Variants in MT1E observed in about 807,000 individuals in gnomAD.
The protein encoded by MT1E is metallothionein 1E, also known as metallothionein-1E.
MT1E carries 1 observed loss-of-function variant against 2.4 expected under a neutral mutation model. The observed-to-expected ratio is 0.41, with a 90% confidence interval of 0.15 to 1.97. The LOEUF (loss-of-function observed/expected upper bound fraction) is 1.97, where lower values mean the gene tolerates loss of function less well. Ranked by LOEUF, MT1E falls within the 30% of genes most tolerant of loss-of-function variation. MT1E has a pLI of 0.30. For missense variants in MT1E, 145 were observed against 149.6 expected, an observed-to-expected ratio of 0.97 and a Z score of 0.16; for synonymous variants, 78 against 63.0, an observed-to-expected ratio of 1.24 and a Z score of -1.13.
rs568878679 is a variant in MT1E at position 56,626,991 on chromosome 16, C to T, written c.*170C>T. 3.2e-5 allele frequency: 52 copies of T among 1,613,990 alleles called. 1 individual carries two copies. In the South Asian group the frequency reaches 4.4e-4, roughly 14 times the overall value. ...GCCTGATGTGGGAACAGCTCTTCTC[C>T]CAGATGTAAATAGAACAACCTGCAC... is the stretch of plus-strand genomic sequence containing the variant. On this transcript the variant is annotated 3_prime_UTR_variant, in exon 2 of 2. Coordinates refer to ENST00000330439, the MANE Select transcript of MT1E (RefSeq NM_001363555.2).
Position 56,625,931 on chromosome 16 carries a change from G to A in MT1E, c.28+52G>A, listed in dbSNP as rs753376592. 1.2e-5 allele frequency: 20 copies of A among 1,607,752 alleles called. 1 individual carries two copies. Among genetic ancestry groups the A allele is most frequent in the Middle Eastern group, 1.7e-4 (1 of 5,896 alleles). ...CCCCATTTCCCAGCCCTATTACAGA[G>A]GGTCTCTGGGTTTCAGGAAGTCGCA... On this transcript the variant is annotated intron_variant, in intron 1 of 1. Coordinates refer to ENST00000330439, the MANE Select transcript of MT1E (RefSeq NM_001363555.2).
At chr16:56,626,410 C>T (rs1474506891) in intron 1 of MT1E, 56 bp from the exon 2 acceptor site, 92 of 1,613,636 alleles carry the variant, frequency 5.7e-5, no homozygotes, top group Non-Finnish European at 7.1e-5. Context: ...CACTGACCCA[C>T]TGCTGTACCT....
At position 56,626,735 on chromosome 16, in the gene MT1E, C is replaced by A. The variant is rs541438164; in HGVS notation, c.298C>A (p.Pro100Thr). 7.5e-5 allele frequency: 121 copies of A among 1,604,226 alleles called. No homozygotes were observed. The East Asian group carries it at 1.6e-3, about 22-fold the overall frequency. Residue 100 changes from proline (P) to threonine (T), a missense_variant, in exon 2 of 2, where the codon CCC (proline) becomes ACC (threonine). Physicochemically the swap from Pro to Thr is conservative, Grantham distance 38. Coordinates refer to ENST00000330439, the MANE Select transcript of MT1E (RefSeq NM_001363555.2). ...FSWDTNPNCT[P>T]YGFRTELCQT... ...GTGGGACACAAACCCCAACTGTACC[C>A]CCTATGGTTTCAGAACAGAGCTGTG...
intron 1 of MT1E, 52 bp downstream of exon 1, chr16:56,625,931 G>C (rs753376592): frequency 1.3e-5 from 21 of 1,607,634 alleles, no homozygotes; most frequent in Middle Eastern, 3.4e-4. Flanking sequence ...CTATTACAGA[G>C]GGTCTCTGGG....
Position 56,626,507 on chromosome 16 carries a change from T to C in MT1E, c.70T>C (p.Cys24Arg), listed in dbSNP as rs1408588705. 6.2e-7 allele frequency: 1 copy of C among 1,614,140 alleles called. No individual in the cohort carries two copies. Among genetic ancestry groups the C allele is most frequent in the East Asian group, 2.2e-5 (1 of 44,888 alleles). ...TCAGSCKCKE[C>R]KCTSCKKSEC... Reference sequence around the variant, plus strand: ...CGCCGGCTCCTGCAAGTGCAAAGAGTGCAAATGCACCTCCTGCAAGAAGAG... The same window carrying C: ...CGCCGGCTCCTGCAAGTGCAAAGAGCGCAAATGCACCTCCTGCAAGAAGAG... The change falls in exon 2 of 2, where the codon TGC (cysteine) becomes CGC (arginine). Residue 24 changes from cysteine to arginine, a missense_variant. Transcript: ENST00000330439.
chr16:56,626,007 C>G, intron 1 of MT1E, 128 bp downstream of exon 1: 2 of 1,084,388 alleles, frequency 1.8e-6, no homozygotes, highest in South Asian at 1.3e-5. Flanking sequence ...ATGCTTTCTT[C>G]CTGATCACGC....
rs1960218622 is a variant in MT1E at position 56,626,850 on chromosome 16, G to A, written c.*29G>A. 2 of 1,614,174 alleles carry A rather than the reference G, an allele frequency of 1.2e-6. No individual in the cohort carries two copies. The highest frequency in any genetic ancestry group is 1.7e-6 in the Non-Finnish European group (2 of 1,180,036). The stretch of plus-strand genomic sequence containing the variant: ...AGGGAGGTGCCCGGTCAAGTCTACT[G>A]CCACCTCTCACTCTCCCCTTCTTCC... On this transcript the variant is annotated 3_prime_UTR_variant, in exon 2 of 2. Transcript: ENST00000330439.
rs766725187 is a variant in MT1E at position 56,626,479 on chromosome 16, G to T, written c.42G>T (p.Thr14=). Residue 14 remains threonine, a synonymous_variant, in exon 2 of 2, where the codon ACG becomes ACT. Transcript: ENST00000330439. ...TCTTCCTTGTAGGTGGCTCCTGCAC[G>T]TGCGCCGGCTCCTGCAAGTGCAAAG... ...NCSCATGGSC[T]CAGSCKCKEC... 2 of 1,613,938 alleles carry T rather than the reference G, an allele frequency of 1.2e-6. No homozygotes were observed. The highest frequency in any genetic ancestry group is 1.7e-6 in the Non-Finnish European group (2 of 1,179,772).
chr16:56,627,069 TATACTAA>T lies in MT1E; in HGVS notation c.*252_*258del. 1 of 1,452,892 alleles carries T rather than the reference TATACTAA, an allele frequency of 6.9e-7. No homozygotes were observed. The highest frequency in any genetic ancestry group is 9.4e-7 in the Non-Finnish European group (1 of 1,063,354). 90.0% of individuals were successfully genotyped at this position (1,452,892 alleles called of 1,614,324 possible). A position where few individuals can be genotyped will look rare whatever the true frequency, so the allele number is the denominator to read the frequency against. ...CTGAGCCATTTGCTGCATTTCTTTT[TATACTAA>T]ATATGTGACTGACAATAAAAACAAT... On this transcript the variant is annotated 3_prime_UTR_variant, in exon 2 of 2. Transcript: ENST00000330439.
In MT1E at chr16:56,626,926, CT is replaced by C; in HGVS notation, c.*106del. On this transcript the variant is annotated 3_prime_UTR_variant, in exon 2 of 2. Transcript: ENST00000330439. ...TGGGCTGTGCCAAGTGTGCCCAGGG[CT>C]GCGTCTGCAAAGGGGCATCGGAGAA... The C allele has an allele frequency of 6.2e-7, 1 of 1,614,210 alleles. No homozygotes were observed.
At position 56,626,895 on chromosome 16, in the gene MT1E, G is replaced by C; in HGVS notation, c.*74G>C. The stretch of plus-strand genomic sequence containing the variant: ...TCTTCCCCAGGCTGCTGTTCCTGCT[G>C]CCCCGTGGGCTGTGCCAAGTGTGCC... On this transcript the variant is annotated 3_prime_UTR_variant, in exon 2 of 2. Coordinates refer to ENST00000330439, the MANE Select transcript of MT1E (RefSeq NM_001363555.2). 4 of 1,614,206 alleles carry C rather than the reference G, an allele frequency of 2.5e-6. No individual in the cohort carries two copies. The highest frequency in any genetic ancestry group is 3.4e-6 in the Non-Finnish European group (4 of 1,180,042).
At chr16:56,626,282 G>A (rs1461303769) in intron 1 of MT1E, among the ~76,000 whole-genome samples, 184 bp from the exon 2 acceptor site, 9 of 152,216 alleles carry the variant, frequency 5.9e-5, no homozygotes, top group Non-Finnish European at 2.9e-5. Context: ...GGTAAAACAG[G>A]AGGGTCCTTG....
rs202120239 is a variant in MT1E at position 56,625,817 on chromosome 16, C to T, written c.-35C>T. The T allele has an allele frequency of 1.2e-6, 2 of 1,612,604 alleles. No homozygotes were observed. The highest frequency in any genetic ancestry group is 2.2e-5 in the East Asian group (1 of 44,864). Reference sequence around the variant, plus strand: ...CAACTGCCTGACTGCTTGTTCGTCTCACTGGTGTGAGCTCCAGCATCCCCT... The same window carrying T: ...CAACTGCCTGACTGCTTGTTCGTCTTACTGGTGTGAGCTCCAGCATCCCCT... On this transcript the variant is annotated 5_prime_UTR_variant, in exon 1 of 2. Coordinates refer to ENST00000330439, the MANE Select transcript of MT1E (RefSeq NM_001363555.2).
Position 56,626,732 on chromosome 16 carries a change from A to T in MT1E, c.295A>T (p.Thr99Ser). The T allele has an allele frequency of 6.2e-7, 1 of 1,601,754 alleles. No homozygotes were observed. The highest frequency in any genetic ancestry group is 2.3e-5 in the East Asian group (1 of 44,316). ...CTCGTGGGACACAAACCCCAACTGTACCCCCTATGGTTTCAGAACAGAGCT... is the reference window on the plus strand; with the variant it reads ...CTCGTGGGACACAAACCCCAACTGTTCCCCCTATGGTTTCAGAACAGAGCT... ...FFSWDTNPNCTPYGFRTELCQ... is the reference protein window; with the variant it reads ...FFSWDTNPNCSPYGFRTELCQ... The change falls in exon 2 of 2, where the codon ACC (threonine) becomes TCC (serine). Residue 99 changes from threonine (T) to serine (S), a missense_variant. Thr to Ser is a moderately conservative substitution (Grantham distance 58, BLOSUM62 1). Transcript: ENST00000330439.
rs1960222402 is a variant in MT1E, at chr16:56,627,018, A to G, written c.*197A>G. ...AGATGTAAATAGAACAACCTGCACA[A>G]CCTGGATTTTTTTAAAAATACAACA... On this transcript the variant is annotated 3_prime_UTR_variant, in exon 2 of 2. Coordinates refer to ENST00000330439, the MANE Select transcript of MT1E (RefSeq NM_001363555.2). The G allele has an allele frequency of 1.2e-6, 2 of 1,604,212 alleles. No individual in the cohort carries two copies. The highest frequency in any genetic ancestry group is 8.5e-7 in the Non-Finnish European group (1 of 1,175,040).
rs747060855 is a variant in MT1E at position 56,626,920 on chromosome 16, C to A, written c.*99C>A. ...GCCCCGTGGGCTGTGCCAAGTGTGC[C>A]CAGGGCTGCGTCTGCAAAGGGGCAT... On this transcript the variant is annotated 3_prime_UTR_variant, in exon 2 of 2. Transcript: ENST00000330439. 6.2e-7 allele frequency: 1 copy of A among 1,614,190 alleles called. No homozygotes were observed. Among genetic ancestry groups the A allele is most frequent in the South Asian group, 1.1e-5 (1 of 91,086 alleles).
In MT1E at chr16:56,625,874, C is replaced by T. The variant is rs761545994; in HGVS notation, c.23C>T (p.Ala8Val). The change falls in exon 1 of 2, where the codon GCC (alanine) becomes GTC (valine). Residue 8 changes from alanine (A) to valine (V), a missense_variant. Physicochemically the swap from Ala to Val is moderately conservative, Grantham distance 64 (BLOSUM62 0). Coordinates refer to ENST00000330439, the MANE Select transcript of MT1E (RefSeq NM_001363555.2). ...GAAATGGACCCCAACTGCTCTTGCG[C>T]CACTGGTAAGGGAAGCTCTGCGCCC... is the stretch of plus-strand genomic sequence containing the variant. Reference protein sequence around the residue: MDPNCSCATGGSCTCAGS... With the variant: MDPNCSCVTGGSCTCAGS... 1.2e-6 allele frequency: 2 copies of T among 1,613,812 alleles called. No homozygotes were observed. Among genetic ancestry groups the T allele is most frequent in the South Asian group, 1.1e-5 (1 of 91,056 alleles).
At position 56,626,619 on chromosome 16, in the gene MT1E, G is replaced by C; in HGVS notation, c.182G>C (p.Gly61Ala). 6.2e-7 allele frequency: 1 copy of C among 1,613,760 alleles called. No individual in the cohort carries two copies. ...CTGGCCCTGAGTGCATCCTTCTGGG[G>C]AACTGGGCTTTCTTTGCCCTCATTG... is the stretch of plus-strand genomic sequence containing the variant. ...SRLALSASFW[G>A]TGLSLPSLPV... The change falls in exon 2 of 2, where the codon GGA becomes GCA. Residue 61 changes from glycine to alanine, a missense_variant. Transcript: ENST00000330439.
At position 56,625,849 on chromosome 16, in the gene MT1E, GA is replaced by G. The variant is rs1295644751; in HGVS notation, c.1del. ...GTGAGCTCCAGCATCCCCTTTGCTC[GA>G]AATGGACCCCAACTGCTCTTGCGCC... On this transcript the variant is annotated 5_prime_UTR_variant, in exon 1 of 2. Coordinates refer to ENST00000330439, the MANE Select transcript of MT1E (RefSeq NM_001363555.2). 2.5e-6 allele frequency: 4 copies of G among 1,613,398 alleles called. No homozygotes were observed. The highest frequency in any genetic ancestry group is 2.7e-5 in the African/African-American group (2 of 74,900).
Sources: allele counts gnomAD v4.1 joint callset (sites outside exome capture counted in the v4.1 genomes callset), GRCh38; gene constraint gnomAD v4.1.1; transcripts MANE v1.5; gene names NCBI Gene and HGNC (gene_info 2026-07-23, HGNC 2026-07-21).